The following COL21A1 variants were observed in gnomAD, a reference collection of about 807,000 sequenced individuals.
COL21A1 encodes collagen alpha-1(XXI) chain.
COL21A1 carries 149 observed loss-of-function variants against 137.9 expected under a neutral mutation model. That is an observed-to-expected ratio of 1.08 (90% CI 0.95 to 1.24). The LOEUF (loss-of-function observed/expected upper bound fraction) is 1.24. COL21A1 is among the 50% of genes most tolerant of loss of function. The pLI, the probability that COL21A1 is intolerant of heterozygous loss-of-function variation, is 0.00. For synonymous variants in COL21A1, 456 were observed against 391.5 expected (o/e 1.16, Z -1.95); for missense variants, 1,167 against 1,158.4 (o/e 1.01, Z -0.11).
intron 1 of COL21A1, among the ~76,000 whole-genome samples, chr6:56,270,046 G>A (rs1328336635): frequency 1.3e-5 from 2 of 152,138 alleles, no homozygotes; most frequent in Non-Finnish European, 2.9e-5. Context: ...CAACTAGCTA[G>A]CAATACAATG....
At chr6:56,196,320 G>T (rs373407244) in intron 1 of COL21A1, among the ~76,000 whole-genome samples, 1 of 152,042 alleles carries the variant, frequency 6.6e-6, no homozygotes, top group South Asian at 2.1e-4. Context: ...AAACAAGGGT[G>T]CCCAGTCTCA....
intron 1 of COL21A1, among the ~76,000 whole-genome samples, chr6:56,357,683 T>C (rs1223685971): frequency 6.6e-6 from 1 of 152,200 alleles, no homozygotes; most frequent in Non-Finnish European, 1.5e-5. Flanking sequence ...TTAATTATCT[T>C]CAGCAATGAC....
At chr6:56,318,070 T>C (rs1764781652) in intron 1 of COL21A1, among the ~76,000 whole-genome samples, 1 of 152,184 alleles carries the variant, frequency 6.6e-6, no homozygotes, top group South Asian at 2.1e-4. Context: ...AAGAGATCTA[T>C]TGTACATTAT....
chr6:56,151,290 C>T lies in COL21A1; in HGVS notation c.1434+5597G>A, dbSNP rs188271632. On this transcript the variant is annotated intron_variant, in intron 10 of 29. Coordinates refer to ENST00000244728, the MANE Select transcript of COL21A1 (RefSeq NM_030820.4). Reference sequence around the variant, plus strand: ...TGATAACAGAAACCAGAAATGAGCACTGTAAAAATATAAACTTCTATAAAC... The same window carrying T: ...TGATAACAGAAACCAGAAATGAGCATTGTAAAAATATAAACTTCTATAAAC... Among the ~76,000 whole-genome samples, 3 of 152,244 alleles carry T rather than the reference C, an allele frequency of 2.0e-5. No homozygotes were observed. In the East Asian group the frequency reaches 5.8e-4, roughly 29 times the overall value.
chr6:56,215,907 A>ATATT (rs1298738584), intron 1 of COL21A1, among the ~76,000 whole-genome samples: 1 of 152,060 alleles, frequency 6.6e-6, no homozygotes, highest in Non-Finnish European at 1.5e-5. Flanking sequence ...AAGGTATTAC[A>ATATT]TATTCATGTG....
chr6:56,368,282 T>A (rs982348737), intron 1 of COL21A1, among the ~76,000 whole-genome samples: 7 of 152,254 alleles, frequency 4.6e-5, no homozygotes, highest in Admixed American at 2.0e-4. Context: ...ATTCTCTCAT[T>A]TGTTGAGCTA....
At chr6:56,102,157 A>G (rs1562199207) in intron 16 of COL21A1, among the ~76,000 whole-genome samples, 1 of 152,218 alleles carries the variant, frequency 6.6e-6, no homozygotes, top group Non-Finnish European at 1.5e-5. Flanking sequence ...TTTTTCCTAA[A>G]TGAATCAATT....
intron 1 of COL21A1, among the ~76,000 whole-genome samples, chr6:56,369,253 C>T (rs1310886111): frequency 6.6e-6 from 1 of 151,710 alleles, no homozygotes; most frequent in Non-Finnish European, 1.5e-5. Flanking sequence ...ATAATGAAGG[C>T]ATACTATAAA....
At position 56,126,968 on chromosome 6, in the gene COL21A1, AAG is replaced by A. The variant is rs1249176822; in HGVS notation, c.1543-821_1543-820del. On this transcript the variant is annotated intron_variant, in intron 12 of 29. Transcript: ENST00000244728. Reference sequence around the variant, plus strand: ...AAAAGTTATTGATTCATATGATTTAAAGAGTGATATATTTATTCAAGGCTTAT... The same window carrying A: ...AAAAGTTATTGATTCATATGATTTAAAGTGATATATTTATTCAAGGCTTAT... 2.0e-5 allele frequency among the ~76,000 whole-genome samples: 3 copies of A among 152,190 alleles called. No homozygotes were observed. In the East Asian group the frequency reaches 5.8e-4, roughly 29 times the overall value.
At chr6:56,141,512 A>G (rs1774406263) in intron 12 of COL21A1, among the ~76,000 whole-genome samples, 1 of 152,164 alleles carries the variant, frequency 6.6e-6, no homozygotes, top group African/African-American at 2.4e-5. Flanking sequence ...CCCCTCTAAG[A>G]AGGTAACTCC....
chr6:56,257,704 T>C (rs1396069796), intron 1 of COL21A1, among the ~76,000 whole-genome samples: 1 of 152,180 alleles, frequency 6.6e-6, no homozygotes, highest in South Asian at 2.1e-4. Context: ...GATATCACCA[T>C]ATTCCAATAA....
chr6:56,140,779 AC>A (rs956713359), intron 12 of COL21A1, among the ~76,000 whole-genome samples: 1 of 152,142 alleles, frequency 6.6e-6, no homozygotes, highest in Non-Finnish European at 1.5e-5. Flanking sequence ...TCAGAGTTTA[AC>A]CCCAACAATG....
chr6:56,226,131 T>C (rs1030296102), intron 1 of COL21A1, among the ~76,000 whole-genome samples: 10 of 152,096 alleles, frequency 6.6e-5, no homozygotes, highest in African/African-American at 2.4e-4. Flanking sequence ...AATCTAATTT[T>C]AGGAATGTTA....
chr6:56,169,950 A>G (rs920068524), intron 5 of COL21A1, among the ~76,000 whole-genome samples: 3 of 152,096 alleles, frequency 2.0e-5, no homozygotes, highest in East Asian at 3.9e-4. Flanking sequence ...AAGAAATTGC[A>G]TACTTTATAT....
rs142941216 is a variant in COL21A1, at chr6:56,375,136, A to G, written c.-39+18835T>C. 1.2e-4 allele frequency among the ~76,000 whole-genome samples: 19 copies of G among 152,314 alleles called. No homozygotes were observed. In the East Asian group the frequency reaches 3.5e-3, roughly 28 times the overall value. On this transcript the variant is annotated intron_variant, in intron 1 of 28. Transcript: ENST00000370819. ...AGAACGCCAGAGCCAAAGGGGAAAA[A>G]GAGAAAGAATGTTAGAGACCGAGAA...
At chr6:56,247,306 T>G (rs1782709591) in intron 1 of COL21A1, 81 bp downstream of exon 1, 1 of 152,324 alleles carries the variant, frequency 6.6e-6, no homozygotes, top group Non-Finnish European at 1.5e-5. Context: ...AATGCCAAAT[T>G]GCAGCCCCTG....
chr6:56,192,138 G>C (rs1385078515), intron 1 of COL21A1, among the ~76,000 whole-genome samples: 1 of 152,116 alleles, frequency 6.6e-6, no homozygotes, highest in African/African-American at 2.4e-5. Context: ...GGGAAAACTA[G>C]CTAGCCATAT....
At chr6:56,329,611 GAAC>G (rs1480419595) in intron 1 of COL21A1, among the ~76,000 whole-genome samples, 15 of 152,088 alleles carry the variant, frequency 9.9e-5, no homozygotes, top group Non-Finnish European at 1.9e-4. Context: ...AACATGCATG[GAAC>G]AACAGCTGTT....
chr6:56,364,631 T>C (rs1302859487), intron 1 of COL21A1, among the ~76,000 whole-genome samples: 1 of 152,192 alleles, frequency 6.6e-6, no homozygotes, highest in African/African-American at 2.4e-5. Context: ...ACAGCTGAGC[T>C]TGGTGCCCTT....
Sources: allele counts gnomAD v4.1 joint callset (sites outside exome capture counted in the v4.1 genomes callset), GRCh38; gene constraint gnomAD v4.1.1; transcripts MANE v1.5; gene names NCBI Gene and HGNC (gene_info 2026-07-23, HGNC 2026-07-21).